The following EP400 variants were observed in gnomAD, a reference collection of about 807,000 sequenced individuals.
The protein encoded by EP400 is E1A-binding protein p400.
EP400 carries 105 observed loss-of-function variants against 354.1 expected under a neutral mutation model. That is an observed-to-expected ratio of 0.30 (90% CI 0.25 to 0.35). The LOEUF is 0.35. EP400 is among the 10% of genes least tolerant of loss of function. EP400 has a pLI of 1.00. For synonymous variants in EP400, 1,646 were observed against 1,716.9 expected, an observed-to-expected ratio of 0.96 and a Z score of 1.02; for missense variants, 3,280 against 4,121.0, an observed-to-expected ratio of 0.80 and a Z score of 5.59.
chr12:131,959,729 G>A (rs931271514), intron 1 of EP400, among the ~76,000 whole-genome samples: 4 of 152,152 alleles, frequency 2.6e-5, no homozygotes, highest in South Asian at 2.1e-4. Flanking sequence ...TCTTCTCTTC[G>A]TGTGTTCTTA....
chr12:132,043,390 A>T lies in EP400; in HGVS notation c.6294A>T (p.Ser2098=). The part of the protein sequence containing the change: ...GVLGPHTDAL[S]SDSENMPCDE... ...TGGGACCACACACTGATGCTCTGTC[A>T]TCAGACTCTGAGAACATGCCGTGTG... The change falls in exon 33 of 53, where the codon TCA becomes TCT. Residue 2098 remains serine, a synonymous_variant. Transcript: ENST00000389561. 6.2e-7 allele frequency: 1 copy of T among 1,613,940 alleles called. No individual in the cohort carries two copies. The highest frequency in any genetic ancestry group is 8.5e-7 in the Non-Finnish European group (1 of 1,180,040).
chr12:131,976,352 C>T (rs913348332), intron 2 of EP400, among the ~76,000 whole-genome samples: 5 of 152,024 alleles, frequency 3.3e-5, no homozygotes, highest in Admixed American at 2.6e-4. Context: ...TATGTAGAAA[C>T]CCTGGGTTCT....
rs746519311 is a variant in EP400 at position 132,066,784 on chromosome 12, C to T, written c.8564C>T (p.Pro2855Leu). 6.2e-7 allele frequency: 1 copy of T among 1,613,852 alleles called. No homozygotes were observed. The highest frequency in any genetic ancestry group is 8.5e-7 in the Non-Finnish European group (1 of 1,179,906). ...ATTTCTACTGTTTAGACCCGGGTTCCCACTTCTCAGCTGCAGGCGCAAGGG... is the reference window on the plus strand; with the variant it reads ...ATTTCTACTGTTTAGACCCGGGTTCTCACTTCTCAGCTGCAGGCGCAAGGG... ...NLQVARLTRV[P>L]TSQLQAQGQM... is the part of the protein sequence containing the mutation. The change falls in exon 49 of 53, where the codon CCC becomes CTC. Residue 2855 changes from proline (P) to leucine (L), a missense_variant. By Grantham distance (98) the Pro-to-Leu change is moderately conservative. Transcript: ENST00000389561.
Position 131,960,919 on chromosome 12 carries a change from C to T in EP400, c.300C>T (p.Thr100=). Residue 100 remains threonine (T), a synonymous_variant, in exon 2 of 53, where the codon ACC becomes ACT. Transcript: ENST00000389561. ...TLAPLPLPSP[T]SPGFQFSAQP... ...CCCCACTGCCGCTCCCCAGCCCCAC[C>T]TCTCCAGGCTTCCAGTTCAGCGCTC... 1 of 1,613,776 alleles carries T rather than the reference C, an allele frequency of 6.2e-7. No individual in the cohort carries two copies. The highest frequency in any genetic ancestry group is 8.5e-7 in the Non-Finnish European group (1 of 1,179,974).
intron 25 of EP400, among the ~76,000 whole-genome samples, chr12:132,026,966 C>T (rs547273276): frequency 2.6e-5 from 4 of 152,186 alleles, no homozygotes; most frequent in African/African-American, 7.2e-5. Context: ...GGATATGAAA[C>T]GGGCACTGGC....
Position 131,982,434 on chromosome 12 carries a change from G to A in EP400, c.1885G>A (p.Gly629Arg), listed in dbSNP as rs759500027. Residue 629 changes from glycine (G) to arginine (R), a missense_variant, in exon 5 of 53, where the codon GGA becomes AGA. Physicochemically the swap from Gly to Arg is moderately radical, Grantham distance 125. This residue lies in a region of EP400 where 800 missense variants were observed against 840.0 expected (regional missense o/e 0.95). Coordinates refer to ENST00000389561, the MANE Select transcript of EP400 (RefSeq NM_015409.5). The stretch of plus-strand genomic sequence containing the variant: ...GCTGGCCCTCCACGTTCCCACACCT[G>A]GAAAGGTGCAGGTGCAGGCCTCTCA... ...AQLALHVPTPGKVQVQASQLS... is the reference protein window; with the variant it reads ...AQLALHVPTPRKVQVQASQLS... 3 of 1,613,970 alleles carry A rather than the reference G, an allele frequency of 1.9e-6. No homozygotes were observed. In the Admixed American group the frequency reaches 5.0e-5, roughly 27 times the overall value.
chr12:132,074,674 GTCGTAC>G (rs1896176836), intron 51 of EP400, among the ~76,000 whole-genome samples: 1 of 152,090 alleles, frequency 6.6e-6, no homozygotes, highest in Admixed American at 6.6e-5. Flanking sequence ...TCTTTGTCTC[GTCGTAC>G]TATATTCTGA....
Position 132,021,174 on chromosome 12 carries a change from C to T in EP400, c.4543C>T (p.Pro1515Ser), listed in dbSNP as rs752784978. Reference protein sequence around the residue: ...ASSTAASPAHPAKLRAQTTAQ... With the variant: ...ASSTAASPAHSAKLRAQTTAQ... Reference sequence around the variant, plus strand: ...CAGCACAGCCGCTAGCCCGGCCCATCCTGCGAAACTGCGGGCCCAGACCAC... The same window carrying T: ...CAGCACAGCCGCTAGCCCGGCCCATTCTGCGAAACTGCGGGCCCAGACCAC... Residue 1515 changes from proline to serine, a missense_variant, in exon 23 of 53, where the codon CCT (proline) becomes TCT (serine). Transcript: ENST00000389561. 1.9e-6 allele frequency: 3 copies of T among 1,601,256 alleles called. No individual in the cohort carries two copies. Among genetic ancestry groups the T allele is most frequent in the Admixed American group, 1.7e-5 (1 of 59,992 alleles).
chr12:131,965,073 C>G (rs1302612674), intron 2 of EP400, among the ~76,000 whole-genome samples: 1 of 152,204 alleles, frequency 6.6e-6, no homozygotes, highest in Admixed American at 6.5e-5. Flanking sequence ...CTGATGTTTT[C>G]TTGTGTCCTC....
intron 32 of EP400, among the ~76,000 whole-genome samples, chr12:132,043,100 G>A (rs962784447): frequency 2.7e-4 from 41 of 152,242 alleles, no homozygotes; most frequent in Non-Finnish European, 1.0e-4. Context: ...AGGCCCAGGA[G>A]GTTTCCCACT....
intron 12 of EP400, among the ~76,000 whole-genome samples, chr12:131,999,309 C>G (rs1893327629): frequency 1.3e-5 from 2 of 152,116 alleles, no homozygotes; most frequent in South Asian, 2.1e-4. Context: ...CACTGCTGCT[C>G]TCAGGATGAC....
At chr12:132,055,352 C>T (rs1895450160) in intron 45 of EP400, 144 bp downstream of exon 45, 1 of 728,150 alleles carries the variant, frequency 1.4e-6, no homozygotes. Context: ...AGTAGCTGAT[C>T]AGTATGTTGA....
intron 12 of EP400, among the ~76,000 whole-genome samples, chr12:131,998,641 G>T (rs546305269): frequency 1.6e-4 from 23 of 143,048 alleles, no homozygotes; most frequent in African/African-American, 5.9e-4. Flanking sequence ...TTAATTCTTT[G>T]TATACAGTCT....
In EP400 at chr12:132,027,870, T is replaced by A; in HGVS notation, c.5110-147T>A. On this transcript the variant is annotated intron_variant, in intron 26 of 52. Transcript: ENST00000389561. The surrounding 1 kb of genome is among the most constrained non-coding windows in gnomAD (Gnocchi z 4.9). ...ATTTCCTGTAGCTCTCGGCTTCATT[T>A]CTATCTCTATTTCCTGTAACACAAG... 1 of 886,714 alleles carries A rather than the reference T, an allele frequency of 1.1e-6. No individual in the cohort carries two copies. The allele number at this position is 886,714 out of a possible 1,614,324, so 54.9% of individuals were successfully genotyped here.
In EP400 at chr12:131,990,300, G is replaced by A. The variant is rs541598216; in HGVS notation, c.2550+196G>A. Among the ~76,000 whole-genome samples, 3 of 152,314 alleles carry A rather than the reference G, an allele frequency of 2.0e-5. No individual in the cohort carries two copies. The highest frequency in any genetic ancestry group is 2.1e-4 in the South Asian group (1 of 4,816). ...GTGCCTCCGTCTGTCTTGCACAGGG[G>A]ATGCACCTCAGCTGTGGCTGCCCTC... On this transcript the variant is annotated intron_variant, in intron 8 of 52. Coordinates refer to ENST00000389561, the MANE Select transcript of EP400 (RefSeq NM_015409.5). The surrounding 1 kb of genome is among the most constrained non-coding windows in gnomAD (Gnocchi z 4.2).
Position 131,994,917 on chromosome 12 carries a change from G to T in EP400, c.2788G>T (p.Val930Leu). The T allele has an allele frequency of 1.2e-6, 2 of 1,614,144 alleles. No homozygotes were observed. Among genetic ancestry groups the T allele is most frequent in the Admixed American group, 1.7e-5 (1 of 60,020 alleles). Residue 930 changes from valine to leucine, a missense_variant, in exon 12 of 53, where the codon GTG becomes TTG. Coordinates refer to ENST00000389561, the MANE Select transcript of EP400 (RefSeq NM_015409.5). This position sits in a 1 kb window ranked among gnomAD's most constrained non-coding sequence, Gnocchi z 4.6. ...IEEEEANEGVVDHQTELSNLA... is the reference protein window; with the variant it reads ...IEEEEANEGVLDHQTELSNLA... ...AGAGGAGGAAGCAAATGAAGGCGTTGTGGACCACCAAACAGAACTTTCTAA... is the reference window on the plus strand; with the variant it reads ...AGAGGAGGAAGCAAATGAAGGCGTTTTGGACCACCAAACAGAACTTTCTAA...
chr12:132,008,301 C>T (rs182502619), intron 15 of EP400, among the ~76,000 whole-genome samples: 2 of 152,306 alleles, frequency 1.3e-5, no homozygotes, highest in East Asian at 3.9e-4. Flanking sequence ...TTTGCCACAG[C>T]ACTGTTGTTG....
intron 30 of EP400, among the ~76,000 whole-genome samples, chr12:132,033,956 C>G (rs1279622778): frequency 6.6e-6 from 1 of 152,176 alleles, no homozygotes; most frequent in African/African-American, 2.4e-5. Context: ...AAAGGAGAGC[C>G]TGTAAAGAAA....
rs956640725 is a variant in EP400, at chr12:132,060,797, C to G, written c.7885-1313C>G. On this transcript the variant is annotated intron_variant, in intron 45 of 52. Transcript: ENST00000389561. ...GGCGTGGTGGCACATGCCTGTAATG[C>G]CAGCTATTCAGGAGGCTGAGGCAGG... 7.2e-5 allele frequency among the ~76,000 whole-genome samples: 11 copies of G among 152,024 alleles called. 1 individual carries two copies. In the South Asian group the frequency reaches 2.1e-3, roughly 29 times the overall value.
Sources: allele counts gnomAD v4.1 joint callset (sites outside exome capture counted in the v4.1 genomes callset), GRCh38; gene constraint gnomAD v4.1.1; regional missense constraint gnomAD v4.1.1; non-coding constraint Gnocchi (gnomAD v3.1); transcripts MANE v1.5; gene names NCBI Gene and HGNC (gene_info 2026-07-23, HGNC 2026-07-21).